The following MYO1C variants were observed in gnomAD, a reference collection of about 807,000 sequenced individuals.
MYO1C encodes myosin IC.
A neutral mutation model predicts 150.8 loss-of-function variants in MYO1C; 104 were observed. The ratio of observed to expected loss-of-function variants is 0.69; its 90% CI spans 0.59 to 0.81. The LOEUF (loss-of-function observed/expected upper bound fraction) is 0.81, where lower values mean the gene tolerates loss of function less well. Ranked by LOEUF, MYO1C falls within the 30% of genes least tolerant of loss-of-function variation. The pLI, the probability that MYO1C is intolerant of heterozygous loss-of-function variation, is 0.00. For synonymous variants in MYO1C, 663 were observed against 579.9 expected, an observed-to-expected ratio of 1.14 and a Z score of -2.06; for missense variants, 1,504 against 1,435.0, an observed-to-expected ratio of 1.05 and a Z score of -0.78.
Position 1,468,138 on chromosome 17 carries a change from C to T in MYO1C, c.2761-15G>A, listed in dbSNP as rs2074219501. On this transcript the variant is annotated splice_polypyrimidine_tract_variant and intron_variant, in intron 27 of 31. Coordinates refer to ENST00000648651, the MANE Select transcript of MYO1C (RefSeq NM_001080779.2). ...GGCACCGCATACTGGGGACAGAGGC[C>T]AGGCTGAAGGGGCTGGGGAGAGGCT... 6.2e-7 allele frequency: 1 copy of T among 1,613,118 alleles called. No individual in the cohort carries two copies. Among genetic ancestry groups the T allele is most frequent in the Non-Finnish European group, 8.5e-7 (1 of 1,179,994 alleles).
In MYO1C at chr17:1,467,855, C is replaced by T. The variant is rs752092495; in HGVS notation, c.2952G>A (p.Ala984=). Residue 984 remains alanine, a synonymous_variant, in exon 29 of 32, where the codon GCG becomes GCA. Coordinates refer to ENST00000648651, the MANE Select transcript of MYO1C (RefSeq NM_001080779.2). ...DSLFVLHVQR[A]DNKQKGDVVL... The stretch of plus-strand genomic sequence containing the variant: ...GAAAAGGCACCTTTTGCTTATTGTC[C>T]GCACGCTGTACATGAAGCACAAAAA... 8.1e-6 allele frequency: 13 copies of T among 1,602,262 alleles called. No homozygotes were observed. Among genetic ancestry groups the T allele is most frequent in the East Asian group, 2.3e-5 (1 of 44,346 alleles).
In MYO1C at chr17:1,492,499, G is replaced by A; in HGVS notation, c.-12C>T. On this transcript the variant is annotated 5_prime_UTR_variant, in exon 1 of 32. Coordinates refer to ENST00000648651, the MANE Select transcript of MYO1C (RefSeq NM_001080779.2). Reference sequence around the variant, plus strand: ...ACTTGCAGCGCCATTCCGCCCTGCGGAGAGCCAGCGGCCTGGGCACCGCGG... The same window carrying A: ...ACTTGCAGCGCCATTCCGCCCTGCGAAGAGCCAGCGGCCTGGGCACCGCGG... 1 of 1,592,692 alleles carries A rather than the reference G, an allele frequency of 6.3e-7. No homozygotes were observed. The highest frequency in any genetic ancestry group is 1.1e-5 in the South Asian group (1 of 88,044).
chr17:1,467,819 T>A, intron 29 of MYO1C, 21 bp downstream of exon 29: 1 of 1,374,868 alleles, frequency 7.3e-7, no homozygotes, highest in Non-Finnish European at 1.0e-6. Flanking sequence ...CCACCACTCC[T>A]CCCCATCCAT....
chr17:1,478,172 T>A lies in MYO1C; in HGVS notation c.1316A>T (p.Asn439Ile), dbSNP rs138912207. 1.7e-5 allele frequency: 27 copies of A among 1,613,790 alleles called. No individual in the cohort carries two copies. Among genetic ancestry groups the A allele is most frequent in the Non-Finnish European group, 1.7e-6 (2 of 1,180,022 alleles). The change falls in exon 12 of 32, where the codon AAT becomes ATT. Residue 439 changes from asparagine (N) to isoleucine (I), a missense_variant. Physicochemically the swap from Asn to Ile is moderately radical, Grantham distance 149. Coordinates refer to ENST00000648651, the MANE Select transcript of MYO1C (RefSeq NM_001080779.2). This position sits in a 1 kb window ranked among gnomAD's most constrained non-coding sequence, Gnocchi z 6.3. ...QHNSFEQFCI[N>I]YCNEKLQQLF... is the part of the protein sequence containing the mutation. ...CTGCTGCAGCTTCTCGTTGCAGTAA[T>A]TGATGCAGAACTGCTCAAAGCTGTA...
At chr17:1,468,332 G>A (rs941633594) in intron 26 of MYO1C, 24 bp from the exon 27 acceptor site, 3 of 1,614,108 alleles carry the variant, frequency 1.9e-6, no homozygotes, top group Non-Finnish European at 2.5e-6. Context: ...GGCGGGGAGG[G>A]AAGTCAGTGG....
Position 1,483,164 on chromosome 17 carries a change from C to T in MYO1C, c.348-105G>A. On this transcript the variant is annotated intron_variant, in intron 3 of 31. Transcript: ENST00000648651. ...GGAGTCCTCTTGTGGGAGTCGAATA[C>T]ACCCTTGAGGATGGGGACTGGGGGT... is the stretch of plus-strand genomic sequence containing the variant. The T allele has an allele frequency of 4.3e-6, 5 of 1,173,010 alleles. No individual in the cohort carries two copies. The South Asian group carries it at 7.3e-5, about 17-fold the overall frequency. 72.7% of individuals were successfully genotyped at this position (1,173,010 alleles called of 1,614,324 possible).
intron 5 of MYO1C, among the ~76,000 whole-genome samples, chr17:1,481,463 G>A (rs1312303001): frequency 6.6e-6 from 1 of 151,906 alleles, no homozygotes; most frequent in African/African-American, 2.4e-5. Flanking sequence ...CCATCTATTC[G>A]TCTACTCCCA....
intron 2 of MYO1C, 119 bp downstream of exon 2, chr17:1,484,029 T>C (rs1367656185): frequency 1.5e-6 from 2 of 1,313,468 alleles, no homozygotes; most frequent in African/African-American, 1.5e-5. Context: ...GCAACAAGAG[T>C]GAAACTGTCT....
At chr17:1,477,822 A>G in intron 13 of MYO1C, 69 bp downstream of exon 13, 2 of 1,428,566 alleles carry the variant, frequency 1.4e-6, no homozygotes, top group Non-Finnish European at 2.0e-6. Flanking sequence ...CAGCCTGGAG[A>G]GAACGGAGAA....
chr17:1,490,489 CTCCA>C (rs960565131), intron 1 of MYO1C, among the ~76,000 whole-genome samples: 1 of 152,112 alleles, frequency 6.6e-6, no homozygotes, highest in African/African-American at 2.4e-5. Flanking sequence ...CAGAGCGAGA[CTCCA>C]TCTCAAAACA....
intron 1 of MYO1C, among the ~76,000 whole-genome samples, chr17:1,490,484 C>G (rs1015419373): frequency 4.6e-5 from 7 of 152,058 alleles, no homozygotes; most frequent in Admixed American, 3.3e-4. Context: ...GGCAACAGAG[C>G]GAGACTCCAT....
Position 1,480,712 on chromosome 17 carries a change from C to T in MYO1C, c.801G>A (p.Leu267=). ...LERNPQSYLY[L]VKGQCAKVSS... Reference sequence around the variant, plus strand: ...CTCCCTGCCAGCCACTCACCTTCACCAGGTACAGGTAGCTCTGGGGGTTCC... The same window carrying T: ...CTCCCTGCCAGCCACTCACCTTCACTAGGTACAGGTAGCTCTGGGGGTTCC... The change falls in exon 6 of 32, where the codon CTG becomes CTA. Residue 267 remains leucine (L), a synonymous_variant. Transcript: ENST00000648651. The T allele has an allele frequency of 6.2e-7, 1 of 1,614,160 alleles. No individual in the cohort carries two copies. Among genetic ancestry groups the T allele is most frequent in the South Asian group, 1.1e-5 (1 of 91,080 alleles).
At chr17:1,480,940 C>A in intron 5 of MYO1C, 55 bp from the exon 6 acceptor site, 4 of 1,588,666 alleles carry the variant, frequency 2.5e-6, no homozygotes, top group Non-Finnish European at 2.6e-6. Flanking sequence ...AAAGAGCCCA[C>A]CTGCCCCTCT....
At chr17:1,477,656 T>C in intron 13 of MYO1C, 60 bp from the exon 14 acceptor site, 4 of 1,376,362 alleles carry the variant, frequency 2.9e-6, no homozygotes, top group South Asian at 1.2e-5. Context: ...GCACAGAGGA[T>C]TGGGGTCACC....
Position 1,471,977 on chromosome 17 carries a change from G to GC in MYO1C, c.1950dup (p.Leu651AlafsTer192). 1.2e-6 allele frequency: 2 copies of GC among 1,614,098 alleles called. No individual in the cohort carries two copies. Among genetic ancestry groups the GC allele is most frequent in the South Asian group, 1.1e-5 (1 of 91,090 alleles). On this transcript the variant is annotated frameshift_variant, in exon 19 of 32. Coordinates refer to ENST00000648651, the MANE Select transcript of MYO1C (RefSeq NM_001080779.2). LOFTEE classifies it high-confidence loss of function. Reference sequence around the variant, plus strand: ...CTGCGCACGCGCAGGTTTTCCAACAGCCCCAGGTACTTCACCTGGTGGCGG... The same window carrying GC: ...CTGCGCACGCGCAGGTTTTCCAACAGCCCCCAGGTACTTCACCTGGTGGCGG...
rs1430841394 is a variant in MYO1C, at chr17:1,478,204, G to A, written c.1296-12C>T. 1.2e-6 allele frequency: 2 copies of A among 1,610,082 alleles called. No individual in the cohort carries two copies. Among genetic ancestry groups the A allele is most frequent in the South Asian group, 1.1e-5 (1 of 88,512 alleles). ...AGAACTGCTCAAAGCTGTAAGGAAG[G>A]AGAAGAGCCCACAGTGGCTCAGTGG... On this transcript the variant is annotated splice_polypyrimidine_tract_variant and intron_variant, in intron 11 of 31. Coordinates refer to ENST00000648651, the MANE Select transcript of MYO1C (RefSeq NM_001080779.2). This position sits in a 1 kb window ranked among gnomAD's most constrained non-coding sequence, Gnocchi z 6.3.
chr17:1,472,295 T>C (rs1463089668), intron 17 of MYO1C, 67 bp from the exon 18 acceptor site: 2 of 1,385,964 alleles, frequency 1.4e-6, no homozygotes, highest in Non-Finnish European at 2.0e-6. Context: ...CAGCAGCGAG[T>C]ACCCCACTCC....
At position 1,469,559 on chromosome 17, in the gene MYO1C, C is replaced by A; in HGVS notation, c.2582G>T (p.Arg861Leu). The A allele has an allele frequency of 6.2e-7, 1 of 1,613,122 alleles. No homozygotes were observed. The highest frequency in any genetic ancestry group is 8.5e-7 in the Non-Finnish European group (1 of 1,179,676). The stretch of plus-strand genomic sequence containing the variant: ...CTGCTTCCACTCAGGGCTGATACTC[C>A]GGCAGTATTTCCACACCATGTTCTT... Reference protein sequence around the residue: ...CIKNMVWKYCRSISPEWKQQL... With the variant: ...CIKNMVWKYCLSISPEWKQQL... The change falls in exon 25 of 32, where the codon CGG (arginine) becomes CTG (leucine). Residue 861 changes from arginine (R) to leucine (L), a missense_variant. By Grantham distance (102) the Arg-to-Leu change is moderately radical. Transcript: ENST00000648651.
At chr17:1,475,819 G>T (rs1417476815) in intron 14 of MYO1C, among the ~76,000 whole-genome samples, 1 of 152,212 alleles carries the variant, frequency 6.6e-6, no homozygotes, top group African/African-American at 2.4e-5. Flanking sequence ...CTGGCCAGGG[G>T]CCCCGAAGGG....
Sources: allele counts gnomAD v4.1 joint callset (sites outside exome capture counted in the v4.1 genomes callset), GRCh38; gene constraint gnomAD v4.1.1; non-coding constraint Gnocchi (gnomAD v3.1); transcripts MANE v1.5; gene names NCBI Gene and HGNC (gene_info 2026-07-23, HGNC 2026-07-21).